The following NCOA4 variants were observed in gnomAD, a reference collection of about 807,000 sequenced individuals.
NCOA4 encodes nuclear receptor coactivator 4, also known as 70 kDa AR-activator.
In NCOA4, 31 loss-of-function variants were observed where a neutral mutation model predicts 69.5. The ratio of observed to expected loss-of-function variants is 0.45; its 90% CI spans 0.34 to 0.60. The LOEUF (loss-of-function observed/expected upper bound fraction) is 0.60, where lower values mean the gene tolerates loss of function less well. Among genes scored for constraint, NCOA4 ranks in the 20% least tolerant of loss-of-function variants. The pLI, the probability that NCOA4 is intolerant of heterozygous loss-of-function variation, is 0.02. For missense variants in NCOA4, 600 were observed against 719.2 expected (o/e 0.83, Z 1.90); for synonymous variants, 228 against 252.4 (o/e 0.90, Z 0.92).
In NCOA4 at chr10:46,009,396, G is replaced by C. The variant is rs1467360133; in HGVS notation, c.1839+15C>G. On this transcript the variant is annotated intron_variant, in intron 9 of 9. Coordinates refer to ENST00000581486, the MANE Select transcript of NCOA4 (RefSeq NM_001145263.2). ...TAGCTATAATCTAATTTTCATGCTG[G>C]TGGCATGTACCCACCTGTAGAGGAG... 2 of 1,598,330 alleles carry C rather than the reference G, an allele frequency of 1.3e-6. No homozygotes were observed. The highest frequency in any genetic ancestry group is 3.6e-5 in the Admixed American group (2 of 55,928).
At position 46,026,877 on chromosome 10, in the gene NCOA4, C is replaced by A. The variant is rs563820634; in HGVS notation, c.-15+3649G>T. On this transcript the variant is annotated intron_variant, in intron 1 of 9. Transcript: ENST00000581486. ...ATGCTGCATAAGAGGAATATTAAGC[C>A]CCAAAGGTGCCCCCAAACACACTGC... 4.6e-5 allele frequency among the ~76,000 whole-genome samples: 7 copies of A among 152,196 alleles called. 1 individual carries two copies. The East Asian group carries it at 1.4e-3, about 29-fold the overall frequency.
intron 6 of NCOA4, 103 bp from the exon 7 acceptor site, chr10:46,013,129 CAT>C (rs782218083): frequency 9.3e-7 from 1 of 1,073,944 alleles, no homozygotes. Flanking sequence ...CTGGGCAAAT[CAT>C]GTGCCTTCCA....
Position 46,015,271 on chromosome 10 carries a change from G to A in NCOA4, c.142-5C>T, listed in dbSNP as rs371891045. On this transcript the variant is annotated splice_polypyrimidine_tract_variant and splice_region_variant and intron_variant, in intron 2 of 9. Transcript: ENST00000581486. ...ACTGTGAATCTGAGCTTTGACCTAG[G>A]AAACACATACATGTTAGCTTCCTAG... is the stretch of plus-strand genomic sequence containing the variant. 2.3e-4 allele frequency: 341 copies of A among 1,480,270 alleles called. No homozygotes were observed. The highest frequency in any genetic ancestry group is 2.9e-4 in the Non-Finnish European group (322 of 1,101,094). 91.7% of individuals were successfully genotyped at this position (1,480,270 alleles called of 1,614,324 possible). A position where few individuals can be genotyped will look rare whatever the true frequency, so the allele number is the denominator to read the frequency against.
In NCOA4 at chr10:46,014,558, G is replaced by GAAAAAAA; in HGVS notation, c.372-13_372-7dup. On this transcript the variant is annotated splice_polypyrimidine_tract_variant and splice_region_variant and intron_variant, in intron 4 of 9. Transcript: ENST00000581486. ...TAAGGGTCAAACTGCCCAGTCTGGGGAAAAAAAAACAAAATTGGCTATTTT... is the reference window on the plus strand; with the variant it reads ...TAAGGGTCAAACTGCCCAGTCTGGGGAAAAAAAAAAAAAAAACAAAATTGGCTATTTT... 1 of 1,513,190 alleles carries GAAAAAAA rather than the reference G, an allele frequency of 6.6e-7. No individual in the cohort carries two copies. The highest frequency in any genetic ancestry group is 2.0e-5 in the Admixed American group (1 of 49,150). The allele number at this position is 1,513,190 out of a possible 1,614,324, so 93.7% of individuals were successfully genotyped here.
Position 46,006,356 on chromosome 10 carries a change from ATACT to A in NCOA4, c.*232_*235del. 1 of 537,846 alleles carries A rather than the reference ATACT, an allele frequency of 1.9e-6. No homozygotes were observed. 33.3% of individuals were successfully genotyped at this position (537,846 alleles called of 1,614,324 possible). ...CATTTCTAGTGTGGGGTGAATTAAA[ATACT>A]TCTGTAAGAAGGAGGGAACTGAATC... is the stretch of plus-strand genomic sequence containing the variant. On this transcript the variant is annotated 3_prime_UTR_variant, in exon 10 of 10. Transcript: ENST00000581486.
chr10:46,016,753 G>A (rs141939796), intron 1 of NCOA4, 59 bp from the exon 2 acceptor site: 2 of 1,214,880 alleles, frequency 1.6e-6, no homozygotes, highest in Non-Finnish European at 2.2e-6. Context: ...AACCACCTTT[G>A]AATCATCCCT....
intron 1 of NCOA4, chr10:46,019,408 C>T (rs1839742588): frequency 6.1e-6 from 6 of 985,450 alleles, no homozygotes; most frequent in Non-Finnish European, 7.2e-6. Flanking sequence ...GCCAGTCATG[C>T]AAGACCTGTT....
chr10:46,020,334 A>T lies in NCOA4; in HGVS notation c.-14-3640T>A, dbSNP rs537825195. ...AATCTCTCTGGGCCTCAACTTCCTC[A>T]GGAAAAAGGGAGACAAGGATGGTTG... On this transcript the variant is annotated intron_variant, in intron 1 of 9. Coordinates refer to ENST00000581486, the MANE Select transcript of NCOA4 (RefSeq NM_001145263.2). Among the ~76,000 whole-genome samples the T allele has an allele frequency of 2.0e-5, 3 of 152,260 alleles. No homozygotes were observed. In the East Asian group the frequency reaches 5.8e-4, roughly 29 times the overall value.
chr10:46,011,761 T>G (rs1839221793), intron 7 of NCOA4, among the ~76,000 whole-genome samples: 1 of 151,328 alleles, frequency 6.6e-6, no homozygotes, highest in Non-Finnish European at 1.5e-5. Flanking sequence ...CTAATAAACA[T>G]GAAAATACTT....
At chr10:46,023,572 G>T in intron 1 of NCOA4, 1 of 964,138 alleles carries the variant, frequency 1.0e-6, no homozygotes, top group Non-Finnish European at 1.2e-6. Context: ...CGGCCCCCCT[G>T]CAGCTCCCTC....
rs115895891 is a variant in NCOA4 at position 46,005,303 on chromosome 10, T to G, written c.*1289A>C. ...ACCACCTTTATATAATACTCCTAAA[T>G]GATATCTGGGGAGGGAATTAAAAAA... On this transcript the variant is annotated 3_prime_UTR_variant, in exon 10 of 10. Transcript: ENST00000581486. 69 of 214,280 alleles carry G rather than the reference T, an allele frequency of 3.2e-4. No individual in the cohort carries two copies. The highest frequency in any genetic ancestry group is 1.5e-3 in the Middle Eastern group (1 of 658). 13.3% of individuals were successfully genotyped at this position (214,280 alleles called of 1,614,324 possible).
chr10:46,025,686 A>C (rs528741378), intron 1 of NCOA4, among the ~76,000 whole-genome samples: 4 of 152,320 alleles, frequency 2.6e-5, no homozygotes, highest in Non-Finnish European at 4.4e-5. Context: ...CTAACTACAA[A>C]GCCTTTCCTG....
intron 5 of NCOA4, 95 bp from the exon 6 acceptor site, chr10:46,013,734 C>A (rs1290460968): frequency 6.1e-6 from 5 of 815,408 alleles, no homozygotes; most frequent in Admixed American, 2.6e-5. Context: ...AAAGCATTAC[C>A]ATTTCATTAG....
intron 7 of NCOA4, among the ~76,000 whole-genome samples, chr10:46,012,087 A>AAAAAAAAAAAAAAAAAAAAAG (rs1839258564): frequency 7.2e-6 from 1 of 138,900 alleles, no homozygotes; most frequent in Non-Finnish European, 1.5e-5. Flanking sequence ...AAAAAAAAAA[A>AAAAAAAAAAAAAAAAAAAAAG]AAAAAAAAAA....
chr10:46,023,211 C>A lies in NCOA4; in HGVS notation c.-14-6517G>T, dbSNP rs574808624. ...CAGGAGCCCTTGCCCTCGCCCCGGT[C>A]GCCGATTCGCACGCAGTTGTGCAGT... On this transcript the variant is annotated intron_variant, in intron 1 of 9. Transcript: ENST00000581486. The A allele has an allele frequency of 1.6e-4, 154 of 939,470 alleles. No homozygotes were observed. The African/African-American group carries it at 2.6e-3, about 16-fold the overall frequency. 58.2% of individuals were successfully genotyped at this position (939,470 alleles called of 1,614,324 possible).
chr10:46,009,630 C>CA (rs1839078468), intron 8 of NCOA4, 79 bp from the exon 9 acceptor site: 1 of 1,318,350 alleles, frequency 7.6e-7, no homozygotes, highest in African/African-American at 1.5e-5. Context: ...ATAGGGTCTA[C>CA]AGAGAATAAT....
Position 46,011,879 on chromosome 10 carries a change from G to A in NCOA4, c.715-673C>T, listed in dbSNP as rs111866096. Among the ~76,000 whole-genome samples the A allele has an allele frequency of 6.5e-3, 980 of 150,914 alleles. 8 individuals carry two copies. Among genetic ancestry groups the A allele is most frequent in the Middle Eastern group, 0.034 (10 of 292 alleles). On this transcript the variant is annotated intron_variant, in intron 7 of 9. Transcript: ENST00000581486. ...TCCTGGCTAACACGGGTGAAACCCC[G>A]TATCTACTAAAAAATAAAAAATATG... is the stretch of plus-strand genomic sequence containing the variant.
Position 46,009,432 on chromosome 10 carries a change from C to G in NCOA4, c.1818G>C (p.Trp606Cys). The G allele has an allele frequency of 6.2e-7, 1 of 1,612,800 alleles. No individual in the cohort carries two copies. The highest frequency in any genetic ancestry group is 8.5e-7 in the Non-Finnish European group (1 of 1,179,836). ...CMQLKVDKEK[W>C]LYRTPLQM ...CCACCTGTAGAGGAGTTCGATATAA[C>G]CACTTCTCTTTATCAACTTTAAGCT... is the stretch of plus-strand genomic sequence containing the variant. The change falls in exon 9 of 10, where the codon TGG becomes TGC. Residue 606 changes from tryptophan (W) to cysteine (C), a missense_variant. Coordinates refer to ENST00000581486, the MANE Select transcript of NCOA4 (RefSeq NM_001145263.2).
intron 1 of NCOA4, among the ~76,000 whole-genome samples, chr10:46,023,802 C>A (rs1554925033): frequency 6.6e-6 from 1 of 152,244 alleles, no homozygotes; most frequent in Non-Finnish European, 1.5e-5. Context: ...TATAGCCCTA[C>A]CTACCTGTGA....
Sources: gnomAD v4.1 joint callset for allele counts (sites outside exome capture counted in the v4.1 genomes callset) on GRCh38, gnomAD v4.1.1 for gene constraint, MANE v1.5 for transcripts, NCBI Gene and HGNC (gene_info 2026-07-23, HGNC 2026-07-21) for gene names.